DLGAP4: variants seen among roughly 807,000 people sequenced by gnomAD.
The protein encoded by DLGAP4 is DLG associated protein 4.
Under a neutral mutation model 86.9 loss-of-function variants are expected in DLGAP4, and 18 were observed. The ratio of observed to expected loss-of-function variants is 0.21; its 90% CI spans 0.14 to 0.31. The LOEUF (loss-of-function observed/expected upper bound fraction) is 0.31. Ranked by LOEUF, DLGAP4 falls within the 10% of genes least tolerant of loss-of-function variation. The pLI is 1.00. For missense variants in DLGAP4, 1,085 were observed against 1,362.6 expected (o/e 0.80, Z 3.21); for synonymous variants, 548 against 574.3 (o/e 0.95, Z 0.65).
At chr20:36,462,091 T>C (rs1322001474) in intron 7 of DLGAP4, 4 of 993,364 alleles carry the variant, frequency 4.0e-6, no homozygotes, top group African/African-American at 1.7e-5. Flanking sequence ...CCCAAGTCGC[T>C]GGGGTCTCGC....
intron 7 of DLGAP4, among the ~76,000 whole-genome samples, chr20:36,468,744 C>T (rs1269558305): frequency 6.6e-6 from 1 of 152,234 alleles, no homozygotes; most frequent in African/African-American, 2.4e-5. Flanking sequence ...GTTCGTCATA[C>T]CAAAATCTGG....
chr20:36,457,220 A>G (rs1007385242), intron 7 of DLGAP4, among the ~76,000 whole-genome samples: 16 of 151,070 alleles, frequency 1.1e-4, no homozygotes, highest in Non-Finnish European at 1.8e-4. Flanking sequence ...ATTTTGAGTG[A>G]AGACTTTTTT....
intron 7 of DLGAP4, chr20:36,461,941 C>T: frequency 1.0e-6 from 1 of 985,010 alleles, no homozygotes; most frequent in South Asian, 4.7e-5. Flanking sequence ...CCCTCAGAGC[C>T]GCCCTTTCTG....
intron 1 of DLGAP4, among the ~76,000 whole-genome samples, chr20:36,317,286 T>TC (rs1363126960): frequency 1.2e-4 from 5 of 42,300 alleles, no homozygotes; most frequent in Non-Finnish European, 1.5e-4. Flanking sequence ...TTATCTTTCT[T>TC]TCTTTCTTAT....
intron 7 of DLGAP4, among the ~76,000 whole-genome samples, chr20:36,468,262 C>A (rs1032171566): frequency 1.3e-5 from 2 of 152,230 alleles, no homozygotes; most frequent in Non-Finnish European, 2.9e-5. Context: ...TTGGAATTCT[C>A]AGCCAGCCCC....
At chr20:36,329,240 G>T (rs782041059) in intron 1 of DLGAP4, among the ~76,000 whole-genome samples, 2 of 152,100 alleles carry the variant, frequency 1.3e-5, no homozygotes, top group Non-Finnish European at 1.5e-5. Context: ...GTTTGGCCTG[G>T]CAATTTCAGC....
chr20:36,495,898 GT>G (rs2035865174), intron 7 of DLGAP4, among the ~76,000 whole-genome samples: 4 of 152,092 alleles, frequency 2.6e-5, no homozygotes, highest in Admixed American at 6.6e-5. Context: ...TTGAGATGGA[GT>G]TTTGCTTTTG....
At chr20:36,482,955 A>G (rs550076557) in intron 7 of DLGAP4, among the ~76,000 whole-genome samples, 145 of 152,210 alleles carry the variant, frequency 9.5e-4, no homozygotes, top group Non-Finnish European at 1.9e-3. Context: ...TACAGGCATG[A>G]GCCACCATGC....
intron 10 of DLGAP4, among the ~76,000 whole-genome samples, chr20:36,511,285 C>T (rs976465014): frequency 5.3e-5 from 8 of 152,174 alleles, no homozygotes; most frequent in African/African-American, 1.7e-4. Context: ...TCATTACAGC[C>T]TCAGCCTCCT....
intron 2 of DLGAP4, among the ~76,000 whole-genome samples, chr20:36,369,798 G>A (rs546514761): frequency 1.4e-4 from 21 of 152,128 alleles, no homozygotes; most frequent in Non-Finnish European, 2.4e-4. Context: ...CAGTAAAACG[G>A]CTAAAAAACA....
At chr20:36,349,652 C>T (rs894512439) in intron 1 of DLGAP4, among the ~76,000 whole-genome samples, 16 of 152,046 alleles carry the variant, frequency 1.1e-4, no homozygotes, top group Non-Finnish European at 1.6e-4. Context: ...CATGGGTCAT[C>T]GTGAGGATAA....
intron 2 of DLGAP4, among the ~76,000 whole-genome samples, chr20:36,406,397 CAAAA>C (rs72014350): frequency 9.1e-6 from 1 of 110,140 alleles, no homozygotes; most frequent in African/African-American, 3.6e-5. Context: ...GACTCCACCT[CAAAA>C]AAAAAAAAAA....
intron 2 of DLGAP4, among the ~76,000 whole-genome samples, chr20:36,372,203 C>G (rs1037181458): frequency 7.9e-5 from 12 of 152,180 alleles, no homozygotes; most frequent in Admixed American, 3.3e-4. Flanking sequence ...AGGCTTGCAT[C>G]CCTGACGGTG....
chr20:36,337,839 C>G (rs1474247025), intron 1 of DLGAP4, among the ~76,000 whole-genome samples: 2 of 152,190 alleles, frequency 1.3e-5, no homozygotes, highest in South Asian at 4.1e-4. Flanking sequence ...GCCTGTGACC[C>G]CTCCTGATGG....
At chr20:36,526,056 G>A (rs770414603) in intron 12 of DLGAP4, 50 bp downstream of exon 12, 3 of 1,612,408 alleles carry the variant, frequency 1.9e-6, no homozygotes, top group South Asian at 1.1e-5. Flanking sequence ...ATTCCTGGTC[G>A]GCAATAACGC....
intron 2 of DLGAP4, among the ~76,000 whole-genome samples, chr20:36,428,424 G>A (rs1010165879): frequency 6.6e-6 from 1 of 152,190 alleles, no homozygotes; most frequent in East Asian, 1.9e-4. Flanking sequence ...TGAGAGCTAT[G>A]AAGAAATCCT....
intron 7 of DLGAP4, among the ~76,000 whole-genome samples, chr20:36,450,533 T>C (rs1368915391): frequency 6.6e-6 from 1 of 152,026 alleles, no homozygotes; most frequent in Non-Finnish European, 1.5e-5. Context: ...AATTCTATGT[T>C]CCATGATCCA....
chr20:36,327,650 G>C (rs1231312069), intron 1 of DLGAP4, among the ~76,000 whole-genome samples: 220 of 142,724 alleles, frequency 1.5e-3, no homozygotes, highest in African/African-American at 5.6e-3. Flanking sequence ...GGAGTGCAGT[G>C]GCGGGATCTC....
chr20:36,461,374 C>G (rs1363091833), intron 7 of DLGAP4: 1 of 852,352 alleles, frequency 1.2e-6, no homozygotes, highest in African/African-American at 1.8e-5. Context: ...CTGCCCGGCC[C>G]GGGAGTCCCT....
Sources: gnomAD v4.1 joint callset for allele counts (sites outside exome capture counted in the v4.1 genomes callset) on GRCh38, gnomAD v4.1.1 for gene constraint, MANE v1.5 for transcripts, NCBI Gene and HGNC (gene_info 2026-07-23, HGNC 2026-07-21) for gene names.